CYP2C19: variants seen among roughly 807,000 people sequenced by gnomAD.
CYP2C19 encodes the protein cytochrome P450 family 2 subfamily C member 19, also known as cytochrome P450 2C19.
Under a neutral mutation model 40.9 loss-of-function variants are expected in CYP2C19, and 59 were observed. The observed-to-expected ratio is 1.44, with a 90% confidence interval of 1.17 to 1.79. The LOEUF (loss-of-function observed/expected upper bound fraction) is 1.79. Among genes scored for constraint, CYP2C19 ranks in the 40% most tolerant of loss-of-function variants. CYP2C19 has a pLI of 0.00. For synonymous variants in CYP2C19, 253 were observed against 208.7 expected, an observed-to-expected ratio of 1.21 and a Z score of -1.83; for missense variants, 754 against 596.9, an observed-to-expected ratio of 1.26 and a Z score of -2.74.
chr10:94,826,100 C>T (rs1372340135), intron 6 of CYP2C19, among the ~76,000 whole-genome samples: 1 of 151,972 alleles, frequency 6.6e-6, no homozygotes, highest in African/African-American at 2.4e-5. Context: ...GTGATGCCTC[C>T]AGCTTTGTTC....
At chr10:94,836,084 G>A (rs1589373917) in intron 6 of CYP2C19, among the ~76,000 whole-genome samples, 1 of 152,200 alleles carries the variant, frequency 6.6e-6, no homozygotes, top group Non-Finnish European at 1.5e-5. Context: ...GCTCAGTTAA[G>A]AGTTGCACAA....
chr10:94,769,974 G>C (rs1364440344), intron 1 of CYP2C19, among the ~76,000 whole-genome samples: 1 of 152,160 alleles, frequency 6.6e-6, no homozygotes, highest in Admixed American at 6.5e-5. Flanking sequence ...AAAGAGCAAA[G>C]TCTCCCAATT....
At chr10:94,839,780 C>G (rs187895551) in intron 6 of CYP2C19, among the ~76,000 whole-genome samples, 79 of 152,290 alleles carry the variant, frequency 5.2e-4, no homozygotes, top group South Asian at 1.2e-3. Flanking sequence ...CCTCAGTCAC[C>G]TGGGAGGAAC....
chr10:94,819,200 A>C (rs1405662746), intron 5 of CYP2C19, among the ~76,000 whole-genome samples: 1 of 140,970 alleles, frequency 7.1e-6, no homozygotes, highest in African/African-American at 2.7e-5. Flanking sequence ...ACGAGAACAA[A>C]GACACAACAT....
At chr10:94,778,313 G>A (rs1307741157) in intron 3 of CYP2C19, among the ~76,000 whole-genome samples, 1 of 152,012 alleles carries the variant, frequency 6.6e-6, no homozygotes, top group African/African-American at 2.4e-5. Flanking sequence ...TCTCCCTCAC[G>A]GTCAGAGAAC....
At chr10:94,816,854 T>A (rs1434497244) in intron 5 of CYP2C19, among the ~76,000 whole-genome samples, 1 of 149,410 alleles carries the variant, frequency 6.7e-6, no homozygotes, top group Non-Finnish European at 1.5e-5. Context: ...TTGTGATAGT[T>A]TACTGAGAAT....
intron 5 of CYP2C19, among the ~76,000 whole-genome samples, chr10:94,801,433 G>A (rs932947161): frequency 2.0e-5 from 3 of 152,158 alleles, no homozygotes; most frequent in African/African-American, 7.2e-5. Flanking sequence ...TGAGTTCTAA[G>A]TTGATTGCAC....
At chr10:94,825,023 A>C (rs1350513782) in intron 6 of CYP2C19, among the ~76,000 whole-genome samples, 5 of 125,824 alleles carry the variant, frequency 4.0e-5, no homozygotes, top group African/African-American at 1.2e-4. Flanking sequence ...TCCATGGTGT[A>C]TATGTGCCAC....
At chr10:94,820,800 C>G (rs905288856) in intron 6 of CYP2C19, among the ~76,000 whole-genome samples, 163 bp downstream of exon 6, 4 of 152,176 alleles carry the variant, frequency 2.6e-5, no homozygotes, top group African/African-American at 9.7e-5. Context: ...AATGGAATAT[C>G]CTGGCCTGGT....
At chr10:94,814,079 C>A (rs1848965857) in intron 5 of CYP2C19, among the ~76,000 whole-genome samples, 3 of 151,382 alleles carry the variant, frequency 2.0e-5, no homozygotes, top group Non-Finnish European at 4.4e-5. Flanking sequence ...AGACAACATT[C>A]CTCCCTGCTT....
chr10:94,813,567 C>T (rs1484992499), intron 5 of CYP2C19, among the ~76,000 whole-genome samples: 2 of 151,938 alleles, frequency 1.3e-5, no homozygotes, highest in Non-Finnish European at 2.9e-5. Context: ...TTCCTGGAGG[C>T]TTTGTTTACA....
At chr10:94,780,878 T>G (rs1481105633) in intron 4 of CYP2C19, among the ~76,000 whole-genome samples, 1 of 152,078 alleles carries the variant, frequency 6.6e-6, no homozygotes, top group African/African-American at 2.4e-5. Context: ...GCCCATTAGC[T>G]CCCTGATCAG....
chr10:94,852,831 C>A lies in CYP2C19; in HGVS notation c.1390C>A (p.Pro464Thr), dbSNP rs58519063. 1 of 1,614,046 alleles carries A rather than the reference C, an allele frequency of 6.2e-7. No homozygotes were observed. Among genetic ancestry groups the A allele is most frequent in the Non-Finnish European group, 8.5e-7 (1 of 1,179,978 alleles). ...CTTTAACCTGAAATCTCTGATTGAC[C>A]CAAAGGACCTTGACACAACTCCTGT... is the stretch of plus-strand genomic sequence containing the variant. ...QNFNLKSLID[P>T]KDLDTTPVVN... The change falls in exon 9 of 9, where the codon CCA (proline) becomes ACA (threonine). Residue 464 changes from proline (P) to threonine (T), a missense_variant. Physicochemically the swap from Pro to Thr is conservative, Grantham distance 38. Coordinates refer to ENST00000371321, the MANE Select transcript of CYP2C19 (RefSeq NM_000769.4).
chr10:94,791,358 T>C (rs2134246062), intron 5 of CYP2C19, among the ~76,000 whole-genome samples: 1 of 152,264 alleles, frequency 6.6e-6, no homozygotes, highest in African/African-American at 2.4e-5. Flanking sequence ...TTTCTGTGTC[T>C]ATCTCCTCCA....
At chr10:94,795,873 A>G (rs1434328199) in intron 5 of CYP2C19, among the ~76,000 whole-genome samples, 1 of 151,612 alleles carries the variant, frequency 6.6e-6, no homozygotes, top group East Asian at 1.9e-4. Flanking sequence ...AATTTGTTTG[A>G]TTTCTTTGTA....
chr10:94,798,092 A>G (rs1848712999), intron 5 of CYP2C19, among the ~76,000 whole-genome samples: 2 of 151,990 alleles, frequency 1.3e-5, no homozygotes, highest in East Asian at 1.9e-4. Context: ...TTTGGTGTCA[A>G]TTTTAGATCT....
At chr10:94,767,592 G>C (rs1179523747) in intron 1 of CYP2C19, among the ~76,000 whole-genome samples, 1 of 152,168 alleles carries the variant, frequency 6.6e-6, no homozygotes, top group African/African-American at 2.4e-5. Flanking sequence ...GGGGCCCTAT[G>C]ATGGACCAAG....
intron 1 of CYP2C19, among the ~76,000 whole-genome samples, chr10:94,763,305 T>C (rs1235417951): frequency 6.6e-6 from 1 of 152,138 alleles, no homozygotes; most frequent in African/African-American, 2.4e-5. Context: ...ATGCCTGTTG[T>C]AAAGGAAGCA....
At chr10:94,777,687 A>C (rs1382803590) in intron 3 of CYP2C19, among the ~76,000 whole-genome samples, 1 of 152,178 alleles carries the variant, frequency 6.6e-6, no homozygotes, top group Non-Finnish European at 1.5e-5. Flanking sequence ...AAAACCTAAA[A>C]CTATAAAAAC....
Sources: allele counts gnomAD v4.1 joint callset (sites outside exome capture counted in the v4.1 genomes callset), GRCh38; gene constraint gnomAD v4.1.1; transcripts MANE v1.5; gene names NCBI Gene and HGNC (gene_info 2026-07-23, HGNC 2026-07-21).